SLC25A48: variants seen among roughly 807,000 people sequenced by gnomAD.
SLC25A48 encodes the protein CTC-321K16.1.
SLC25A48 carries 29 observed loss-of-function variants against 32.2 expected under a neutral mutation model. That is an observed-to-expected ratio of 0.90 (90% confidence interval 0.67 to 1.23). The LOEUF (loss-of-function observed/expected upper bound fraction) is 1.23, where lower values mean the gene tolerates loss of function less well. SLC25A48 is among the 50% of genes most tolerant of loss of function. The pLI, the probability that SLC25A48 is intolerant of heterozygous loss-of-function variation, is 0.00. For synonymous variants in SLC25A48, 164 were observed against 172.3 expected (o/e 0.95, Z 0.38); for missense variants, 399 against 422.7 (o/e 0.94, Z 0.49).
chr5:135,620,991 G>T (rs565171009), intron 1 of SLC25A48, among the ~76,000 whole-genome samples: 4 of 152,282 alleles, frequency 2.6e-5, no homozygotes, highest in Non-Finnish European at 4.4e-5. Flanking sequence ...TCTCCTTCCA[G>T]ATGATCTATT....
intron 3 of SLC25A48, among the ~76,000 whole-genome samples, chr5:135,652,801 C>T (rs141264304): frequency 1.5e-3 from 221 of 152,310 alleles, no homozygotes; most frequent in African/African-American, 5.1e-3. Flanking sequence ...GGAGCTACAA[C>T]TATGATTTCA....
At chr5:135,772,628 G>A (rs770119417) in intron 3 of SLC25A48, among the ~76,000 whole-genome samples, 1 of 149,316 alleles carries the variant, frequency 6.7e-6, no homozygotes, top group Non-Finnish European at 1.5e-5. Flanking sequence ...GTAATAACTG[G>A]AGGGGGGGAG....
At chr5:135,668,775 G>C (rs1321731517) in intron 3 of SLC25A48, among the ~76,000 whole-genome samples, 5 of 152,242 alleles carry the variant, frequency 3.3e-5, no homozygotes, top group African/African-American at 1.2e-4. Flanking sequence ...CCCTAAGCCA[G>C]CAACATAGGA....
Position 135,583,046 on chromosome 5 carries a change from T to G in SLC25A48, c.-849+3449T>G, listed in dbSNP as rs539479777. Among the ~76,000 whole-genome samples the G allele has an allele frequency of 2.0e-5, 3 of 152,306 alleles. No individual in the cohort carries two copies. In the East Asian group the frequency reaches 5.8e-4, roughly 29 times the overall value. On this transcript the variant is annotated intron_variant, in intron 1 of 10. Transcript: ENST00000646290. ...TCATCCTCAGTATCTACAACAGTGA[T>G]TGGCATGTAGCAGGGGTTCACTCCC...
chr5:135,784,052 A>C (rs1015462390), intron 3 of SLC25A48, among the ~76,000 whole-genome samples: 2 of 118,180 alleles, frequency 1.7e-5, no homozygotes, highest in African/African-American at 5.2e-5. Context: ...AGAGAGGGTG[A>C]TATTCCTGTC....
intron 3 of SLC25A48, among the ~76,000 whole-genome samples, chr5:135,797,838 A>G (rs1180473544): frequency 6.6e-6 from 1 of 151,518 alleles, no homozygotes; most frequent in Non-Finnish European, 1.5e-5. Flanking sequence ...AGGGGGGAGG[A>G]TGACATTACT....
chr5:135,871,077 AC>A, intron 4 of SLC25A48, among the ~76,000 whole-genome samples: 1 of 108,564 alleles, frequency 9.2e-6, no homozygotes, highest in Admixed American at 8.2e-5. Context: ...ACACACACAC[AC>A]ACACACACAC....
At chr5:135,746,533 CG>C (rs1755646318) in intron 3 of SLC25A48, among the ~76,000 whole-genome samples, 1 of 152,170 alleles carries the variant, frequency 6.6e-6, no homozygotes, top group African/African-American at 2.4e-5. Context: ...TCCGATTCTC[CG>C]GTGCAAAATA....
intron 3 of SLC25A48, among the ~76,000 whole-genome samples, chr5:135,706,644 C>G (rs1269867462): frequency 6.6e-6 from 1 of 152,084 alleles, no homozygotes; most frequent in Admixed American, 6.5e-5. Context: ...GAAAGGGCAC[C>G]TAGAGCTGCC....
chr5:135,729,807 A>G (rs1755181856), intron 3 of SLC25A48, among the ~76,000 whole-genome samples: 1 of 152,226 alleles, frequency 6.6e-6, no homozygotes, highest in African/African-American at 2.4e-5. Flanking sequence ...CATTTTATAT[A>G]AAATTTGTGT....
intron 3 of SLC25A48, among the ~76,000 whole-genome samples, chr5:135,661,039 A>G (rs1753383490): frequency 6.6e-6 from 1 of 152,216 alleles, no homozygotes; most frequent in Non-Finnish European, 1.5e-5. Context: ...CCAGGGCCAG[A>G]CTGGACCTCT....
chr5:135,724,414 C>T (rs1050380841), intron 3 of SLC25A48, among the ~76,000 whole-genome samples: 1 of 152,228 alleles, frequency 6.6e-6, no homozygotes, highest in African/African-American at 2.4e-5. Context: ...GCCCCTGCGC[C>T]ACCCAGCTCC....
At chr5:135,841,053 A>T (rs1333873338) in intron 1 of SLC25A48, among the ~76,000 whole-genome samples, 2 of 152,192 alleles carry the variant, frequency 1.3e-5, no homozygotes, top group Non-Finnish European at 2.9e-5. Context: ...CAAGAGTTCC[A>T]ATTTCTCTAC....
intron 7 of SLC25A48, chr5:135,883,502 G>A (rs1275124802): frequency 2.0e-6 from 2 of 982,630 alleles, no homozygotes; most frequent in African/African-American, 3.5e-5. Flanking sequence ...AGAGGCACCT[G>A]GCCACTGTCA....
chr5:135,625,819 A>G (rs1291315410), intron 1 of SLC25A48, among the ~76,000 whole-genome samples: 4 of 152,056 alleles, frequency 2.6e-5, no homozygotes, highest in African/African-American at 7.3e-5. Flanking sequence ...GACAACAACC[A>G]GGAAGGAGAC....
chr5:135,828,826 C>T (rs1337013480), intron 4 of SLC25A48, among the ~76,000 whole-genome samples: 2 of 152,222 alleles, frequency 1.3e-5, no homozygotes, highest in South Asian at 2.1e-4. Context: ...CTTCCAGCTG[C>T]CCCTCCTACA....
Position 135,880,020 on chromosome 5 carries a change from C to A in SLC25A48, c.866C>A (p.Ala289Glu). Residue 289 changes from alanine to glutamate, a missense_variant, in exon 7 of 8, where the codon GCG becomes GAG. By Grantham distance (107) the Ala-to-Glu change is moderately radical (BLOSUM62 -1). Transcript: ENST00000681962. ...GCGGTGCGGGGCTTCCCCATGAGTG[C>A]GGCCATGTTCCTTGGGTACGAGCTG... ...VNAVRGFPMS[A>E]AMFLGYELSL... is the part of the protein sequence containing the mutation. 6.5e-7 allele frequency: 1 copy of A among 1,536,308 alleles called. No homozygotes were observed. Among genetic ancestry groups the A allele is most frequent in the Non-Finnish European group, 8.7e-7 (1 of 1,146,958 alleles).
chr5:135,732,141 G>C (rs1561467520), intron 3 of SLC25A48, among the ~76,000 whole-genome samples: 2 of 152,368 alleles, frequency 1.3e-5, no homozygotes, highest in East Asian at 3.9e-4. Flanking sequence ...TCCTTTTTAA[G>C]TTGGTGGCTG....
chr5:135,793,395 G>T (rs1442701126), intron 3 of SLC25A48, among the ~76,000 whole-genome samples: 1 of 151,762 alleles, frequency 6.6e-6, no homozygotes, highest in African/African-American at 2.4e-5. Context: ...ATTTTGGGGA[G>T]ATATTACTCT....
Sources: allele counts gnomAD v4.1 joint callset (sites outside exome capture counted in the v4.1 genomes callset), GRCh38; gene constraint gnomAD v4.1.1; transcripts MANE v1.5; gene names NCBI Gene and HGNC (gene_info 2026-07-23, HGNC 2026-07-21).